Variants in PLCB4 observed in about 807,000 individuals in gnomAD.
The protein encoded by PLCB4 is 1-phosphatidylinositol 4,5-bisphosphate phosphodiesterase beta-4.
PLCB4 carries 77 observed loss-of-function variants against 178.8 expected under a neutral mutation model. The observed-to-expected ratio is 0.43, with a 90% CI of 0.36 to 0.52. The LOEUF is 0.52. PLCB4 is among the 20% of genes least tolerant of loss of function. The pLI, the probability that PLCB4 is intolerant of heterozygous loss-of-function variation, is 0.00. For missense variants in PLCB4, 1,024 were observed against 1,453.4 expected (o/e 0.70, Z 4.80); for synonymous variants, 496 against 490.8 (o/e 1.01, Z -0.14).
chr20:9,447,577 A>C (rs2042491582), intron 32 of PLCB4, among the ~76,000 whole-genome samples: 1 of 152,234 alleles, frequency 6.6e-6, no homozygotes, highest in Non-Finnish European at 1.5e-5. Flanking sequence ...TGGCCTTATG[A>C]GGTCTCTACC....
At chr20:9,456,568 A>G (rs2043070272) in intron 33 of PLCB4, among the ~76,000 whole-genome samples, 1 of 152,220 alleles carries the variant, frequency 6.6e-6, no homozygotes, top group Non-Finnish European at 1.5e-5. Flanking sequence ...TGTTGAATAA[A>G]ACCTCTCATT....
chr20:9,468,699 A>G, intron 36 of PLCB4, 27 bp downstream of exon 36: 1 of 1,277,000 alleles, frequency 7.8e-7, no homozygotes, highest in South Asian at 1.2e-5. Flanking sequence ...TCACTGCAGG[A>G]ATATGGCATT....
At chr20:9,335,903 T>C (rs575614292) in intron 4 of PLCB4, among the ~76,000 whole-genome samples, 34 of 152,276 alleles carry the variant, frequency 2.2e-4, no homozygotes, top group Non-Finnish European at 4.3e-4. Context: ...ACTACCCAAA[T>C]TGAAGGCTGC....
chr20:9,148,678 T>G (rs2092641032), intron 2 of PLCB4, among the ~76,000 whole-genome samples: 1 of 152,160 alleles, frequency 6.6e-6, no homozygotes, highest in Non-Finnish European at 1.5e-5. Context: ...GCTGGCACAT[T>G]AACACCTAAC....
intron 21 of PLCB4, 89 bp downstream of exon 21, chr20:9,405,437 T>C (rs1410027762): frequency 5.2e-6 from 4 of 776,520 alleles, no homozygotes; most frequent in Non-Finnish European, 8.3e-6. Context: ...GGTGAAAAAA[T>C]GATTAAATCC....
intron 7 of PLCB4, among the ~76,000 whole-genome samples, chr20:9,355,919 C>CA (rs1218601607): frequency 1.3e-5 from 2 of 152,190 alleles, no homozygotes; most frequent in African/African-American, 4.8e-5. Context: ...ACCAACAGTG[C>CA]AAAAGTGTTC....
intron 4 of PLCB4, among the ~76,000 whole-genome samples, chr20:9,313,620 T>C (rs952975192): frequency 6.6e-6 from 1 of 152,238 alleles, no homozygotes; most frequent in Non-Finnish European, 1.5e-5. Flanking sequence ...ATAATTAGTT[T>C]AGTTACTGGC....
At chr20:9,210,004 C>T (rs1038437928) in intron 2 of PLCB4, among the ~76,000 whole-genome samples, 4 of 150,368 alleles carry the variant, frequency 2.7e-5, no homozygotes, top group Non-Finnish European at 5.9e-5. Flanking sequence ...AAAGAAAACC[C>T]AGAAACGATG....
rs138122465 is a variant in PLCB4, at chr20:9,459,259, G to A, written c.3073-376G>A. ...CTTGGGAAGCTGAGGCAGGAGAATC[G>A]CTTGAACCCAGGAGGTGGAGGTTGC... On this transcript the variant is annotated intron_variant, in intron 34 of 39. Coordinates refer to ENST00000378473, the MANE Select transcript of PLCB4 (RefSeq NM_001377142.1). Among the ~76,000 whole-genome samples the A allele has an allele frequency of 3.0e-3, 450 of 152,222 alleles. 5 individuals are homozygous for A. The highest frequency in any genetic ancestry group is 0.01 in the African/African-American group (424 of 41,518).
chr20:9,353,167 T>C (rs1406246339), intron 7 of PLCB4, among the ~76,000 whole-genome samples: 1 of 152,220 alleles, frequency 6.6e-6, no homozygotes, highest in Non-Finnish European at 1.5e-5. Flanking sequence ...AGCCACCAGT[T>C]TCAGAAGTAG....
chr20:9,317,090 A>G (rs955270618), intron 4 of PLCB4, among the ~76,000 whole-genome samples: 2 of 152,210 alleles, frequency 1.3e-5, no homozygotes, highest in African/African-American at 4.8e-5. Flanking sequence ...GTAGCCCAAT[A>G]GCAGCCATAG....
chr20:9,279,952 A>G (rs1287678241), intron 3 of PLCB4, among the ~76,000 whole-genome samples: 1 of 152,078 alleles, frequency 6.6e-6, no homozygotes, highest in African/African-American at 2.4e-5. Flanking sequence ...GCTTTGTCAT[A>G]GTTGACTTTA....
intron 3 of PLCB4, among the ~76,000 whole-genome samples, chr20:9,232,682 G>T (rs1158353398): frequency 6.6e-6 from 1 of 152,094 alleles, no homozygotes; most frequent in Non-Finnish European, 1.5e-5. Context: ...AAGGACTAAA[G>T]ATCAGGTTTA....
intron 3 of PLCB4, among the ~76,000 whole-genome samples, chr20:9,242,046 C>T (rs1003138052): frequency 9.2e-5 from 14 of 152,158 alleles, no homozygotes; most frequent in African/African-American, 3.4e-4. Flanking sequence ...GGAGCAGAAG[C>T]ATGCAAGGCC....
chr20:9,428,585 T>C (rs2041187761), intron 28 of PLCB4, among the ~76,000 whole-genome samples: 1 of 152,166 alleles, frequency 6.6e-6, no homozygotes, highest in Non-Finnish European at 1.5e-5. Context: ...ATGCTTAATC[T>C]TTTGGTAGGA....
At chr20:9,274,768 A>T (rs1477679350) in intron 3 of PLCB4, among the ~76,000 whole-genome samples, 1 of 152,068 alleles carries the variant, frequency 6.6e-6, no homozygotes, top group Non-Finnish European at 1.5e-5. Context: ...GCAGATAAAG[A>T]TACAAGTATC....
chr20:9,236,579 C>G (rs1328289637), intron 3 of PLCB4, among the ~76,000 whole-genome samples: 3 of 152,118 alleles, frequency 2.0e-5, no homozygotes, highest in African/African-American at 7.2e-5. Flanking sequence ...AGACCTCTCT[C>G]CTGATAATGG....
At position 9,427,608 on chromosome 20, in the gene PLCB4, G is replaced by A. The variant is rs115054927; in HGVS notation, c.2524+3656G>A. Among the ~76,000 whole-genome samples, 740 of 152,292 alleles carry A rather than the reference G, an allele frequency of 4.9e-3. 9 individuals carry two copies. Among genetic ancestry groups the A allele is most frequent in the African/African-American group, 0.017 (700 of 41,550 alleles). On this transcript the variant is annotated intron_variant, in intron 28 of 39. Transcript: ENST00000378473. ...TGCTGCTTTATCTGTGGGTGCCAAC[G>A]CCACCGTAGATGGCATTTGCCCATT...
rs144410630 is a variant in PLCB4, at chr20:9,153,213, G to A, written c.-79+56871G>A. On this transcript the variant is annotated intron_variant, in intron 2 of 39. Transcript: ENST00000378473. ...GATGCTGAAATGAGTTAAGACTTTG[G>A]GGGGCTGTTGGGAAGGCATGATTGG... Among the ~76,000 whole-genome samples the A allele has an allele frequency of 1.0e-3, 159 of 152,202 alleles. 2 individuals carry two copies. The Middle Eastern group carries it at 0.014, about 13-fold the overall frequency.
Sources: allele counts gnomAD v4.1 joint callset (sites outside exome capture counted in the v4.1 genomes callset), GRCh38; gene constraint gnomAD v4.1.1; transcripts MANE v1.5; gene names NCBI Gene and HGNC (gene_info 2026-07-23, HGNC 2026-07-21).